ARMC2: variants seen among roughly 807,000 people sequenced by gnomAD.
The protein encoded by ARMC2 is armadillo repeat-containing protein 2.
A neutral mutation model predicts 90.3 loss-of-function variants in ARMC2; 67 were observed. That is an observed-to-expected ratio of 0.74 (90% CI 0.61 to 0.91). The LOEUF is 0.91. ARMC2 is among the 40% of genes least tolerant of loss of function. The pLI is 0.00. For synonymous variants in ARMC2, 393 were observed against 393.0 expected (o/e 1.00, Z 0.00); for missense variants, 920 against 1,030.9 (o/e 0.89, Z 1.47).
At chr6:108,907,218 T>G (rs1772833251) in intron 8 of ARMC2, among the ~76,000 whole-genome samples, 1 of 152,134 alleles carries the variant, frequency 6.6e-6, no homozygotes, top group Non-Finnish European at 1.5e-5. Context: ...CACTTTTTAC[T>G]AAAAATGTAA....
At chr6:108,969,268 C>T (rs1047596564) in intron 17 of ARMC2, among the ~76,000 whole-genome samples, 5 of 152,052 alleles carry the variant, frequency 3.3e-5, no homozygotes, top group African/African-American at 4.8e-5. Flanking sequence ...ATGGTCAGGG[C>T]GATGATAAAT....
At chr6:108,874,719 C>T (rs905376011) in intron 4 of ARMC2, among the ~76,000 whole-genome samples, 1 of 151,968 alleles carries the variant, frequency 6.6e-6, no homozygotes, top group Non-Finnish European at 1.5e-5. Flanking sequence ...CCCCGGGGGG[C>T]CTGCACTCGA....
At chr6:108,922,502 C>T (rs1255125916) in intron 10 of ARMC2, among the ~76,000 whole-genome samples, 1 of 152,032 alleles carries the variant, frequency 6.6e-6, no homozygotes, top group Non-Finnish European at 1.5e-5. Context: ...TAGTTGAAAA[C>T]ACAATTTGAA....
intron 11 of ARMC2, among the ~76,000 whole-genome samples, chr6:108,931,317 C>T (rs1201550355): frequency 6.6e-6 from 1 of 151,924 alleles, no homozygotes; most frequent in Non-Finnish European, 1.5e-5. Context: ...TTTATCCAAT[C>T]TGTCAATGAT....
At chr6:108,850,226 C>T (rs891322356) in intron 1 of ARMC2, among the ~76,000 whole-genome samples, 1 of 152,198 alleles carries the variant, frequency 6.6e-6, no homozygotes, top group Non-Finnish European at 1.5e-5. Context: ...GGTGTTCACC[C>T]TCTAGAGGTC....
chr6:108,907,238 G>A (rs1440774936), intron 8 of ARMC2, among the ~76,000 whole-genome samples: 2 of 151,734 alleles, frequency 1.3e-5, no homozygotes, highest in Admixed American at 1.3e-4. Context: ...AGATTTGTTG[G>A]GGAAAAGGAA....
At chr6:108,908,451 C>T (rs1247849539) in intron 8 of ARMC2, among the ~76,000 whole-genome samples, 1 of 152,138 alleles carries the variant, frequency 6.6e-6, no homozygotes, top group East Asian at 1.9e-4. Context: ...AGAACAAATA[C>T]TTAACAAATA....
intron 10 of ARMC2, among the ~76,000 whole-genome samples, chr6:108,913,219 A>G (rs1773616405): frequency 6.6e-6 from 1 of 152,232 alleles, no homozygotes; most frequent in Non-Finnish European, 1.5e-5. Flanking sequence ...GCATTCATAT[A>G]TCAAATAATA....
At chr6:108,966,063 T>C (rs970268169) in intron 17 of ARMC2, among the ~76,000 whole-genome samples, 3 of 147,798 alleles carry the variant, frequency 2.0e-5, no homozygotes, top group Admixed American at 6.8e-5. Flanking sequence ...TTTTTAATAA[T>C]CCTTTTTCCC....
chr6:108,919,056 G>A lies in ARMC2; in HGVS notation c.1350+6498G>A, dbSNP rs1331489942. On this transcript the variant is annotated intron_variant, in intron 10 of 17. Transcript: ENST00000392644. Reference sequence around the variant, plus strand: ...AATTGGAGGAGGGTGTTAGGGTAATGTATGGGATTCTGGGTACATGATGGA... The same window carrying A: ...AATTGGAGGAGGGTGTTAGGGTAATATATGGGATTCTGGGTACATGATGGA... 3.9e-5 allele frequency among the ~76,000 whole-genome samples: 6 copies of A among 152,298 alleles called. No individual in the cohort carries two copies. In the South Asian group the frequency reaches 6.2e-4, roughly 16 times the overall value.
the ARMC2 span, among the ~76,000 whole-genome samples, chr6:109,051,685 C>T: frequency 3.3e-5 from 5 of 152,240 alleles, no homozygotes; most frequent in East Asian, 1.9e-4. Context: ...CATTTTGTGC[C>T]ACTGTAACAG....
chr6:108,922,871 C>A (rs1297759785), intron 10 of ARMC2: 1 of 152,184 alleles, frequency 6.6e-6, no homozygotes, highest in Non-Finnish European at 1.5e-5. Context: ...AGATTGGTAA[C>A]CAGAAGCAAA....
intron 10 of ARMC2, among the ~76,000 whole-genome samples, chr6:108,926,261 C>A (rs992259376): frequency 1.3e-5 from 2 of 152,180 alleles, no homozygotes; most frequent in Non-Finnish European, 2.9e-5. Context: ...CTGTACTCTT[C>A]CGTCTCCATG....
At chr6:108,864,924 T>G (rs1775660479) in intron 3 of ARMC2, among the ~76,000 whole-genome samples, 1 of 152,096 alleles carries the variant, frequency 6.6e-6, no homozygotes, top group Non-Finnish European at 1.5e-5. Context: ...ACTGTGTCTG[T>G]GTCCTTGATT....
chr6:108,918,349 C>T (rs1056533814), intron 10 of ARMC2, among the ~76,000 whole-genome samples: 3 of 152,108 alleles, frequency 2.0e-5, no homozygotes, highest in African/African-American at 7.2e-5. Flanking sequence ...TTGTTTGGAG[C>T]CGTGCGAATA....
chr6:109,010,577 T>G, the ARMC2 span, among the ~76,000 whole-genome samples: 1 of 152,364 alleles, frequency 6.6e-6, no homozygotes, highest in Middle Eastern at 3.4e-3. Flanking sequence ...CAGTGAAAAC[T>G]AAGTTACTCT....
At chr6:108,966,458 C>T (rs1056030623) in intron 17 of ARMC2, among the ~76,000 whole-genome samples, 1 of 152,114 alleles carries the variant, frequency 6.6e-6, no homozygotes, top group Non-Finnish European at 1.5e-5. Context: ...AGGTGGCTGA[C>T]GTGCTCTGGA....
At position 108,973,709 on chromosome 6, in the gene ARMC2, CATT is replaced by C. The variant is rs2128522529; in HGVS notation, c.*198_*200del. The C allele has an allele frequency of 4.5e-6, 2 of 448,774 alleles. No individual in the cohort carries two copies. The highest frequency in any genetic ancestry group is 3.9e-5 in the Admixed American group (1 of 25,744). 27.8% of individuals were successfully genotyped at this position (448,774 alleles called of 1,614,324 possible). A position where few individuals can be genotyped will look rare whatever the true frequency, so the allele number is the denominator to read the frequency against. On this transcript the variant is annotated 3_prime_UTR_variant, in exon 18 of 18. Coordinates refer to ENST00000392644, the MANE Select transcript of ARMC2 (RefSeq NM_032131.6). Reference sequence around the variant, plus strand: ...GGTATTATGGAAAAATGAATATACACATTATATTTCCTGTTGAGAGAAATGTAA... The same window carrying C: ...GGTATTATGGAAAAATGAATATACACATATTTCCTGTTGAGAGAAATGTAA...
intron 12 of ARMC2, among the ~76,000 whole-genome samples, chr6:108,943,955 A>G (rs1238690078): frequency 6.6e-6 from 1 of 152,202 alleles, no homozygotes; most frequent in Non-Finnish European, 1.5e-5. Flanking sequence ...CCCCACCCAG[A>G]GAGATTCTGA....
Sources: gnomAD v4.1 joint callset for allele counts (sites outside exome capture counted in the v4.1 genomes callset) on GRCh38, gnomAD v4.1.1 for gene constraint, MANE v1.5 for transcripts, NCBI Gene and HGNC (gene_info 2026-07-23, HGNC 2026-07-21) for gene names.